EPB41L5: variants seen among roughly 807,000 people sequenced by gnomAD.
EPB41L5 encodes the protein band 4.1-like protein 5.
A neutral mutation model predicts 106.6 loss-of-function variants in EPB41L5; 55 were observed. The ratio of observed to expected loss-of-function variants is 0.52; its 90% confidence interval spans 0.42 to 0.65. The LOEUF (loss-of-function observed/expected upper bound fraction) is 0.65, where lower values mean the gene tolerates loss of function less well. Ranked by LOEUF, EPB41L5 falls within the 30% of genes least tolerant of loss-of-function variation. The probability of loss-of-function intolerance (pLI) is 0.00; values close to 1 mark genes in which losing one functional copy is unlikely to be tolerated. For synonymous variants in EPB41L5, 297 were observed against 306.7 expected, an observed-to-expected ratio of 0.97 and a Z score of 0.33; for missense variants, 871 against 882.1, an observed-to-expected ratio of 0.99 and a Z score of 0.16.
intron 2 of EPB41L5, among the ~76,000 whole-genome samples, chr2:120,032,724 G>A (rs551098997): frequency 4.6e-4 from 70 of 152,228 alleles, no homozygotes; most frequent in Middle Eastern, 6.8e-3. Flanking sequence ...TTTGAATATA[G>A]AATCTTCTGA....
At chr2:120,090,600 G>A in intron 12 of EPB41L5, 84 bp downstream of exon 12, 1 of 1,185,076 alleles carries the variant, frequency 8.4e-7, no homozygotes, top group Non-Finnish European at 1.2e-6. Context: ...TTACAGATAT[G>A]GTAACTAAGG....
At position 120,068,761 on chromosome 2, in the gene EPB41L5, G is replaced by A. The variant is rs1355813198; in HGVS notation, c.286-4417G>A. The stretch of plus-strand genomic sequence containing the variant: ...GCTGTATTTAGGAGACCCATCTCAC[G>A]GACAAAGACACACGCAGGCTCAAAA... On this transcript the variant is annotated intron_variant, in intron 3 of 24. Transcript: ENST00000263713. 2.6e-5 allele frequency among the ~76,000 whole-genome samples: 4 copies of A among 151,976 alleles called. No individual in the cohort carries two copies. The South Asian group carries it at 8.3e-4, about 32-fold the overall frequency.
intron 2 of EPB41L5, among the ~76,000 whole-genome samples, chr2:120,037,864 T>C (rs1001894372): frequency 1.3e-5 from 2 of 152,156 alleles, no homozygotes; most frequent in South Asian, 4.1e-4. Flanking sequence ...AAGTCAGACC[T>C]TTTCCTTATA....
At chr2:120,142,804 A>G (rs1296556784) in intron 18 of EPB41L5, among the ~76,000 whole-genome samples, 199 bp from the exon 19 acceptor site, 2 of 152,150 alleles carry the variant, frequency 1.3e-5, no homozygotes, top group Non-Finnish European at 2.9e-5. Flanking sequence ...GTTAGGCCCT[A>G]CAGAGGCTGT....
intron 22 of EPB41L5, among the ~76,000 whole-genome samples, chr2:120,166,460 GTTT>G (rs375453000): frequency 6.9e-6 from 1 of 144,524 alleles, no homozygotes; most frequent in Non-Finnish European, 1.5e-5. Context: ...GATTTTGTGG[GTTT>G]TTTTTTTTTG....
chr2:120,060,915 G>A (rs982951665), intron 3 of EPB41L5, among the ~76,000 whole-genome samples: 1 of 151,048 alleles, frequency 6.6e-6, no homozygotes, highest in East Asian at 1.9e-4. Context: ...AACATAGCAT[G>A]GAACAAGCAA....
chr2:120,115,358 A>G (rs986871583), intron 16 of EPB41L5, among the ~76,000 whole-genome samples: 50 of 151,976 alleles, frequency 3.3e-4, no homozygotes, highest in Admixed American at 3.1e-3. Flanking sequence ...TGTTAAGTAG[A>G]TATGTTCTGG....
chr2:120,153,292 C>T (rs1487108361), intron 20 of EPB41L5, among the ~76,000 whole-genome samples: 4 of 151,640 alleles, frequency 2.6e-5, no homozygotes, highest in Admixed American at 2.6e-4. Flanking sequence ...TATGAATTTT[C>T]CAGTTTTCCA....
At chr2:120,023,279 T>C (rs1678068532) in intron 2 of EPB41L5, among the ~76,000 whole-genome samples, 2 of 152,338 alleles carry the variant, frequency 1.3e-5, no homozygotes, top group East Asian at 3.9e-4. Flanking sequence ...TAAATGGTAT[T>C]GCCTAGGTTT....
At chr2:120,093,094 T>A (rs1683521341) in intron 13 of EPB41L5, among the ~76,000 whole-genome samples, 155 bp from the exon 14 acceptor site, 1 of 152,182 alleles carries the variant, frequency 6.6e-6, no homozygotes, top group Non-Finnish European at 1.5e-5. Flanking sequence ...CACCCCTATC[T>A]CTACAAAATC....
chr2:120,068,403 G>A (rs1349241754), intron 3 of EPB41L5, among the ~76,000 whole-genome samples: 3 of 152,210 alleles, frequency 2.0e-5, no homozygotes, highest in Non-Finnish European at 4.4e-5. Context: ...GGGCCAAGTG[G>A]TCTAGCTCAG....
chr2:120,023,018 T>C (rs887893399), intron 2 of EPB41L5, among the ~76,000 whole-genome samples: 14 of 152,240 alleles, frequency 9.2e-5, no homozygotes, highest in African/African-American at 3.4e-4. Context: ...ACCCACTTTT[T>C]GATGGGGTTG....
intron 24 of EPB41L5, among the ~76,000 whole-genome samples, chr2:120,168,835 A>AAAGAT (rs1012328539): frequency 1.3e-5 from 2 of 152,212 alleles, no homozygotes; most frequent in Admixed American, 6.5e-5. Flanking sequence ...ATCTGACACT[A>AAAGAT]AAGATAACAG....
chr2:120,133,329 CATT>C (rs2105474048), intron 18 of EPB41L5, among the ~76,000 whole-genome samples: 1 of 152,168 alleles, frequency 6.6e-6, no homozygotes, highest in East Asian at 1.9e-4. Flanking sequence ...CTGGTTTTAA[CATT>C]ATACCAAGGA....
In EPB41L5 at chr2:120,140,123, G is replaced by A. The variant is rs1249110810; in HGVS notation, c.1600-2880G>A. On this transcript the variant is annotated intron_variant, in intron 18 of 24. Transcript: ENST00000263713. ...CCAAAAAACGAAGAATTAAACTTGC[G>A]GAGATAGATGGTTACCAGATGGGAA... Among the ~76,000 whole-genome samples, 11 of 152,084 alleles carry A rather than the reference G, an allele frequency of 7.2e-5. No homozygotes were observed. In the East Asian group the frequency reaches 1.7e-3, roughly 24 times the overall value.
At chr2:120,166,598 C>T (rs2105556427) in intron 22 of EPB41L5, among the ~76,000 whole-genome samples, 1 of 152,146 alleles carries the variant, frequency 6.6e-6, no homozygotes, top group East Asian at 1.9e-4. Context: ...CCACCATGCC[C>T]AGCTAATTTT....
intron 3 of EPB41L5, among the ~76,000 whole-genome samples, chr2:120,065,570 G>A (rs1336725957): frequency 6.8e-6 from 1 of 146,210 alleles, no homozygotes; most frequent in African/African-American, 2.5e-5. Context: ...AGACTGGAGT[G>A]CAGTGGCGCA....
At chr2:120,091,245 C>T (rs1457097912) in intron 12 of EPB41L5, among the ~76,000 whole-genome samples, 2 of 152,108 alleles carry the variant, frequency 1.3e-5, no homozygotes, top group African/African-American at 2.4e-5. Flanking sequence ...ACACACTTTG[C>T]ACTGAGGAAT....
chr2:120,174,225 G>T (rs113022039), intron 24 of EPB41L5, among the ~76,000 whole-genome samples: 1 of 152,208 alleles, frequency 6.6e-6, no homozygotes. Context: ...GGAGGCTGAG[G>T]AGGGCAGATG....
Sources: allele counts gnomAD v4.1 joint callset (sites outside exome capture counted in the v4.1 genomes callset), GRCh38; gene constraint gnomAD v4.1.1; transcripts MANE v1.5; gene names NCBI Gene and HGNC (gene_info 2026-07-23, HGNC 2026-07-21).